The following LGR5 variants were observed in gnomAD, a reference collection of about 807,000 sequenced individuals.
The protein encoded by LGR5 is leucine rich repeat containing G protein-coupled receptor 5.
Under a neutral mutation model 76.7 loss-of-function variants are expected in LGR5, and 54 were observed. The observed-to-expected ratio is 0.70, with a 90% CI of 0.57 to 0.88. The LOEUF (loss-of-function observed/expected upper bound fraction) is 0.88, where lower values mean the gene tolerates loss of function less well. LGR5 is among the 40% of genes least tolerant of loss of function. The pLI is 0.00. For synonymous variants in LGR5, 406 were observed against 421.9 expected, an observed-to-expected ratio of 0.96 and a Z score of 0.46; for missense variants, 1,078 against 1,073.3, an observed-to-expected ratio of 1.00 and a Z score of -0.06.
chr12:71,447,125 G>A (rs1245814764), intron 1 of LGR5, among the ~76,000 whole-genome samples: 5 of 152,136 alleles, frequency 3.3e-5, no homozygotes, highest in South Asian at 2.1e-4. Context: ...GATGAGATGC[G>A]ATACATTGTT....
Position 71,448,064 on chromosome 12 carries a change from G to A in LGR5, c.212+7772G>A, listed in dbSNP as rs531320822. Among the ~76,000 whole-genome samples, 76 of 130,666 alleles carry A rather than the reference G, an allele frequency of 5.8e-4. 1 individual carries two copies. Among genetic ancestry groups the A allele is most frequent in the African/African-American group, 2.2e-3 (73 of 33,706 alleles). The allele number at this position is 130,666 out of a possible 152,430, so 85.7% of individuals were successfully genotyped here. A position where few individuals can be genotyped will look rare whatever the true frequency, so the allele number is the denominator to read the frequency against. ...TTCCTTTATTTCCCCCTTCCTCCTC[G>A]TCTCCCTCACACACACACAAACACA... On this transcript the variant is annotated intron_variant, in intron 1 of 17. Coordinates refer to ENST00000266674, the MANE Select transcript of LGR5 (RefSeq NM_003667.4).
chr12:71,512,695 G>A (rs543774672), intron 2 of LGR5, among the ~76,000 whole-genome samples: 40 of 152,320 alleles, frequency 2.6e-4, no homozygotes, highest in Admixed American at 5.2e-4. Flanking sequence ...TCTGAATAGG[G>A]TTATGAAATC....
rs750780065 is a variant in LGR5 at position 71,584,334 on chromosome 12, A to G, written c.2324A>G (p.Asn775Ser). The change falls in exon 18 of 18, where the codon AAC becomes AGC. Residue 775 changes from asparagine to serine, a missense_variant. By Grantham distance (46) the Asn-to-Ser change is conservative. Transcript: ENST00000266674. ...CACATTGCCCTGTTGCTCTTCACCA[A>G]CTGCATCCTAAACTGCCCTGTGGCT... ...VKHIALLLFT[N>S]CILNCPVAFL... 2 of 1,614,160 alleles carry G rather than the reference A, an allele frequency of 1.2e-6. No individual in the cohort carries two copies. Among genetic ancestry groups the G allele is most frequent in the Non-Finnish European group, 1.7e-6 (2 of 1,180,024 alleles).
At chr12:71,529,956 CAAAA>C (rs34678480) in intron 3 of LGR5, among the ~76,000 whole-genome samples, 3 of 91,372 alleles carry the variant, frequency 3.3e-5, no homozygotes, top group Admixed American at 2.4e-4. Context: ...ATTCTGTCTC[CAAAA>C]AAAAAAAAAA....
chr12:71,537,509 T>A (rs1014622740), intron 4 of LGR5, among the ~76,000 whole-genome samples: 1 of 151,864 alleles, frequency 6.6e-6, no homozygotes, highest in African/African-American at 2.4e-5. Flanking sequence ...GAAAAGAGCA[T>A]GATAAACATA....
At chr12:71,554,605 C>G (rs1877665419) in intron 5 of LGR5, among the ~76,000 whole-genome samples, 1 of 152,168 alleles carries the variant, frequency 6.6e-6, no homozygotes, top group African/African-American at 2.4e-5. Flanking sequence ...AAACTATAAA[C>G]TAAATTCCTC....
At chr12:71,517,357 C>T (rs1875495965) in intron 2 of LGR5, among the ~76,000 whole-genome samples, 1 of 152,136 alleles carries the variant, frequency 6.6e-6, no homozygotes, top group Non-Finnish European at 1.5e-5. Context: ...TCAGTGGTTC[C>T]ACAGGTTAGT....
chr12:71,470,384 T>G (rs1224535878), intron 1 of LGR5, among the ~76,000 whole-genome samples: 1 of 152,206 alleles, frequency 6.6e-6, no homozygotes, highest in Non-Finnish European at 1.5e-5. Flanking sequence ...TTTCATTGTA[T>G]GTACTTTAAC....
intron 8 of LGR5, among the ~76,000 whole-genome samples, chr12:71,563,763 T>C (rs1197043424): frequency 2.0e-5 from 3 of 152,008 alleles, no homozygotes; most frequent in African/African-American, 7.2e-5. Flanking sequence ...TATGAGAGAG[T>C]TCCCTCCTGA....
At chr12:71,540,168 T>G (rs1876803843) in intron 4 of LGR5, among the ~76,000 whole-genome samples, 1 of 152,202 alleles carries the variant, frequency 6.6e-6, no homozygotes, top group East Asian at 1.9e-4. Flanking sequence ...TTTAAAAAAT[T>G]GCTTCATTTG....
At position 71,556,627 on chromosome 12, in the gene LGR5, A is replaced by G. The variant is rs117535164; in HGVS notation, c.653A>G (p.His218Arg). 2.4e-3 allele frequency: 3,787 copies of G among 1,608,868 alleles called. 11 individuals carry two copies. The highest frequency in any genetic ancestry group is 2.7e-3 in the Non-Finnish European group (3,173 of 1,175,240). The change falls in exon 6 of 18, where the codon CAT becomes CGT. Residue 218 changes from histidine to arginine, a missense_variant. Transcript: ENST00000266674. Reference sequence around the variant, plus strand: ...GTAATGTTCTACTGCAGACATCTCCATAACAATAGAATCCACTCCCTGGGA... The same window carrying G: ...GTAATGTTCTACTGCAGACATCTCCGTAACAATAGAATCCACTCCCTGGGA... Reference protein sequence around the residue: ...NLSSLVVLHLHNNRIHSLGKK... With the variant: ...NLSSLVVLHLRNNRIHSLGKK...
intron 8 of LGR5, among the ~76,000 whole-genome samples, chr12:71,562,427 C>T (rs1009226491): frequency 6.7e-6 from 1 of 148,732 alleles, no homozygotes; most frequent in East Asian, 2.0e-4. Flanking sequence ...AGAATAAAAT[C>T]GGCCAGGCAC....
At chr12:71,464,541 G>A (rs1011598957) in intron 1 of LGR5, among the ~76,000 whole-genome samples, 8 of 152,148 alleles carry the variant, frequency 5.3e-5, no homozygotes, top group African/African-American at 1.9e-4. Flanking sequence ...AGGGCCACAG[G>A]CTGATCTAGA....
chr12:71,493,791 C>A (rs1874185081), intron 1 of LGR5, among the ~76,000 whole-genome samples: 2 of 128,496 alleles, frequency 1.6e-5, no homozygotes, highest in African/African-American at 6.3e-5. Context: ...TTTTTCGAGA[C>A]AGGGTCATGC....
chr12:71,478,401 A>C (rs1202594201), intron 1 of LGR5, among the ~76,000 whole-genome samples: 1 of 152,210 alleles, frequency 6.6e-6, no homozygotes, highest in East Asian at 1.9e-4. Context: ...CATATTTCTC[A>C]AATTAATTCA....
Position 71,584,428 on chromosome 12 carries a change from G to T in LGR5, c.2418G>T (p.Leu806=), listed in dbSNP as rs151206916. The T allele has an allele frequency of 1.9e-6, 3 of 1,613,714 alleles. No homozygotes were observed. The highest frequency in any genetic ancestry group is 2.5e-6 in the Non-Finnish European group (3 of 1,179,808). The change falls in exon 18 of 18, where the codon CTG becomes CTT. Residue 806 remains leucine (L), a synonymous_variant. Coordinates refer to ENST00000266674, the MANE Select transcript of LGR5 (RefSeq NM_003667.4). Reference sequence around the variant, plus strand: ...CTGAAGTAATTAAGTTTATCCTTCTGGTGGTAGTCCCACTTCCTGCATGTC... The same window carrying T: ...CTGAAGTAATTAAGTTTATCCTTCTTGTGGTAGTCCCACTTCCTGCATGTC... ...ISPEVIKFIL[L]VVVPLPACLN...
intron 4 of LGR5, among the ~76,000 whole-genome samples, chr12:71,547,998 T>C (rs143997192): frequency 2.6e-5 from 4 of 152,210 alleles, no homozygotes; most frequent in Non-Finnish European, 5.9e-5. Context: ...AAAAGGACCA[T>C]AAAGTGGGTG....
At chr12:71,537,787 T>C (rs1005525389) in intron 4 of LGR5, among the ~76,000 whole-genome samples, 1 of 152,206 alleles carries the variant, frequency 6.6e-6, no homozygotes, top group African/African-American at 2.4e-5. Flanking sequence ...TTAGCCTCTG[T>C]GCTTCCGTAT....
rs74393130 is a variant in LGR5 at position 71,442,446 on chromosome 12, T to C, written c.212+2154T>C. Among the ~76,000 whole-genome samples, 842 of 152,308 alleles carry C rather than the reference T, an allele frequency of 5.5e-3. 11 individuals are homozygous for C. Among genetic ancestry groups the C allele is most frequent in the South Asian group, 0.04 (192 of 4,832 alleles). On this transcript the variant is annotated intron_variant, in intron 1 of 17. Transcript: ENST00000266674. The stretch of plus-strand genomic sequence containing the variant: ...TCTCATGTGATGACAGCCTGTACCC[T>C]GGCCTAAGAAGACATTTTCCCAGTG...
Sources: allele counts gnomAD v4.1 joint callset (sites outside exome capture counted in the v4.1 genomes callset), GRCh38; gene constraint gnomAD v4.1.1; transcripts MANE v1.5; gene names NCBI Gene and HGNC (gene_info 2026-07-23, HGNC 2026-07-21).